FYB1: variants seen among roughly 807,000 people sequenced by gnomAD.
FYB1 encodes the protein FYN-binding protein 1.
A neutral mutation model predicts 94.1 loss-of-function variants in FYB1; 41 were observed. That is an observed-to-expected ratio of 0.44 (90% confidence interval 0.34 to 0.57). FYB1 has a LOEUF of 0.57. Ranked by LOEUF, FYB1 falls within the 20% of genes least tolerant of loss-of-function variation. The pLI is 0.02. For synonymous variants in FYB1, 367 were observed against 353.2 expected, an observed-to-expected ratio of 1.04 and a Z score of -0.44; for missense variants, 1,050 against 976.8, an observed-to-expected ratio of 1.07 and a Z score of -1.00.
intron 2 of FYB1, chr5:39,169,328 T>G: frequency 1.3e-6 from 1 of 774,214 alleles, no homozygotes; most frequent in South Asian, 1.3e-5. Context: ...TGGGGTATCT[T>G]TGGAGAAAAA....
intron 1 of FYB1, among the ~76,000 whole-genome samples, chr5:39,233,004 T>C (rs1242886528): frequency 6.6e-6 from 1 of 152,068 alleles, no homozygotes; most frequent in Admixed American, 6.6e-5. Flanking sequence ...TCTTTGCTAT[T>C]GTGAATAATG....
chr5:39,126,000 T>C lies in FYB1; in HGVS notation c.2043A>G (p.Ser681=). 1 of 1,613,164 alleles carries C rather than the reference T, an allele frequency of 6.2e-7. No homozygotes were observed. The highest frequency in any genetic ancestry group is 8.5e-7 in the Non-Finnish European group (1 of 1,179,506). The part of the protein sequence containing the change: ...KVSDSDNNEG[S]SFPAPPKQLD... ...GGATTTGGTTGGTTGACTCTTACGATGAACCTTCATTATTGTCTGAGTCAG... is the reference window on the plus strand; with the variant it reads ...GGATTTGGTTGGTTGACTCTTACGACGAACCTTCATTATTGTCTGAGTCAG... The change falls in exon 12 of 19, where the codon TCA becomes TCG. Residue 681 remains serine (S), a splice_region_variant and synonymous_variant. Transcript: ENST00000512982.
intron 3 of FYB1, among the ~76,000 whole-genome samples, chr5:39,148,673 T>C (rs1410087553): frequency 6.6e-6 from 1 of 152,092 alleles, no homozygotes; most frequent in South Asian, 2.1e-4. Flanking sequence ...AAGGTTATAA[T>C]GGTAAATTCT....
At chr5:39,270,687 G>A in intron 1 of FYB1, 1 of 1,001,272 alleles carries the variant, frequency 1.0e-6, no homozygotes, top group Non-Finnish European at 1.4e-6. Flanking sequence ...GAGCTGTGTG[G>A]TCTGTCCAGC....
intron 2 of FYB1, among the ~76,000 whole-genome samples, chr5:39,189,944 G>A (rs1022755144): frequency 1.3e-4 from 20 of 152,226 alleles, no homozygotes; most frequent in African/African-American, 1.9e-4. Flanking sequence ...AGCAGGAGCC[G>A]GAAGCTAGAA....
chr5:39,155,854 A>T (rs1743700342), intron 2 of FYB1, among the ~76,000 whole-genome samples: 1 of 152,184 alleles, frequency 6.6e-6, no homozygotes, highest in Admixed American at 6.5e-5. Flanking sequence ...TACCAATTTG[A>T]CATGCCTCTT....
intron 1 of FYB1, among the ~76,000 whole-genome samples, chr5:39,264,016 A>G (rs2111673440): frequency 6.6e-6 from 1 of 152,272 alleles, no homozygotes; most frequent in South Asian, 2.1e-4. Flanking sequence ...AGATGATGGT[A>G]TTAGAAGGTG....
intron 1 of FYB1, among the ~76,000 whole-genome samples, chr5:39,254,286 G>A (rs1751847704): frequency 6.6e-6 from 1 of 152,122 alleles, no homozygotes; most frequent in African/African-American, 2.4e-5. Context: ...CTTCTACGAT[G>A]GTTGAAGTAA....
intron 2 of FYB1, among the ~76,000 whole-genome samples, chr5:39,178,316 C>T (rs1745914801): frequency 6.6e-6 from 1 of 152,186 alleles, no homozygotes; most frequent in African/African-American, 2.4e-5. Flanking sequence ...GAACATCCTG[C>T]AGAAGGCTTA....
intron 2 of FYB1, among the ~76,000 whole-genome samples, chr5:39,197,545 A>G (rs145791540): frequency 1.3e-5 from 2 of 152,356 alleles, no homozygotes; most frequent in African/African-American, 4.8e-5. Context: ...CATAATCCAG[A>G]GCAAATCCAT....
rs144899523 is a variant in FYB1, at chr5:39,120,370, T to G, written c.2139-736A>C. ...TTTTAAAACTGCTAGGATCCAGGTA[T>G]AGAAATCCACTATATTTTGTAGATA... is the stretch of plus-strand genomic sequence containing the variant. On this transcript the variant is annotated intron_variant, in intron 14 of 18. Coordinates refer to ENST00000512982, the MANE Select transcript of FYB1 (RefSeq NM_001465.6). Among the ~76,000 whole-genome samples, 460 of 152,122 alleles carry G rather than the reference T, an allele frequency of 3.0e-3. 2 individuals carry two copies. Among genetic ancestry groups the G allele is most frequent in the African/African-American group, 0.011 (450 of 41,492 alleles).
At chr5:39,268,596 T>G (rs1431424709) in intron 1 of FYB1, among the ~76,000 whole-genome samples, 1 of 152,176 alleles carries the variant, frequency 6.6e-6, no homozygotes, top group African/African-American at 2.4e-5. Flanking sequence ...GACGGAATTT[T>G]GCTCTTGTTG....
chr5:39,271,639 A>G (rs1752666804), intron 1 of FYB1, among the ~76,000 whole-genome samples: 1 of 152,220 alleles, frequency 6.6e-6, no homozygotes, highest in Non-Finnish European at 1.5e-5. Flanking sequence ...GTTACCTGTT[A>G]TTTATTCCTT....
Position 39,109,339 on chromosome 5 carries a change from T to A in FYB1, c.2435+1017A>T, listed in dbSNP as rs567197704. Among the ~76,000 whole-genome samples, 34 of 152,236 alleles carry A rather than the reference T, an allele frequency of 2.2e-4. No homozygotes were observed. In the South Asian group the frequency reaches 7.0e-3, roughly 32 times the overall value. On this transcript the variant is annotated intron_variant, in intron 17 of 18. Coordinates refer to ENST00000512982, the MANE Select transcript of FYB1 (RefSeq NM_001465.6). ...AACATTTATTAAGTATTCGCTTCAA[T>A]AGGTGGTGAACCAACAATTACTTAC... is the stretch of plus-strand genomic sequence containing the variant.
intron 16 of FYB1, among the ~76,000 whole-genome samples, chr5:39,112,740 ATTAC>A (rs1250452324): frequency 8.5e-5 from 13 of 152,056 alleles, no homozygotes; most frequent in Admixed American, 8.5e-4. Flanking sequence ...AACTTTACAA[ATTAC>A]TTATAAAAAA....
intron 6 of FYB1, chr5:39,138,091 C>T (rs1013174138): frequency 4.8e-5 from 10 of 209,016 alleles, no homozygotes; most frequent in Admixed American, 4.7e-4. Context: ...GGCTCTGAAA[C>T]TTGAGTCAGA....
intron 4 of FYB1, 140 bp downstream of exon 4, chr5:39,140,955 G>T (rs150114102): frequency 1.6e-6 from 1 of 636,176 alleles, no homozygotes; most frequent in African/African-American, 1.9e-5. Context: ...GGATAAGAGG[G>T]AATAAACAAA....
At chr5:39,191,791 A>G (rs1747386289) in intron 2 of FYB1, among the ~76,000 whole-genome samples, 1 of 152,242 alleles carries the variant, frequency 6.6e-6, no homozygotes, top group South Asian at 2.1e-4. Flanking sequence ...CATAAATATC[A>G]TTATTGTGCC....
At chr5:39,247,889 T>TTTTTGTTTTGTTTTGTTTTGTTTTG (rs59562725) in intron 1 of FYB1, among the ~76,000 whole-genome samples, 198 of 149,364 alleles carry the variant, frequency 1.3e-3, no homozygotes, top group Middle Eastern at 0.01. Flanking sequence ...TACTTTCTTG[T>TTTTTGTTTTGTTTTGTTTTGTTTTG]TTTTGTTTTG....
Sources: gnomAD v4.1 joint callset for allele counts (sites outside exome capture counted in the v4.1 genomes callset) on GRCh38, gnomAD v4.1.1 for gene constraint, MANE v1.5 for transcripts, NCBI Gene and HGNC (gene_info 2026-07-23, HGNC 2026-07-21) for gene names.